FBN1: variants seen among roughly 807,000 people sequenced by gnomAD.
FBN1 encodes the protein fibrillin 1, also known as fibrillin-1.
FBN1 carries 29 observed loss-of-function variants against 365.1 expected under a neutral mutation model. The ratio of observed to expected loss-of-function variants is 0.08; its 90% CI spans 0.06 to 0.11. FBN1 has a LOEUF of 0.11. Ranked by LOEUF, FBN1 falls within the 10% of genes least tolerant of loss-of-function variation. The probability of loss-of-function intolerance (pLI) is 1.00; values close to 1 mark genes in which losing one functional copy is unlikely to be tolerated. For synonymous variants in FBN1, 1,210 were observed against 1,270.5 expected (o/e 0.95, Z 1.01); for missense variants, 2,476 against 3,703.2 (o/e 0.67, Z 8.60).
At chr15:48,610,246 C>T (rs2044646402) in intron 4 of FBN1, among the ~76,000 whole-genome samples, 1 of 152,176 alleles carries the variant, frequency 6.6e-6, no homozygotes, top group Non-Finnish European at 1.5e-5. Flanking sequence ...TATGTTTATG[C>T]TTCATTATAA....
At chr15:48,501,252 G>A (rs192006632) in intron 17 of FBN1, among the ~76,000 whole-genome samples, 5 of 152,292 alleles carry the variant, frequency 3.3e-5, no homozygotes. Context: ...AGGTCGTGAA[G>A]GCTCTACCCT....
intron 36 of FBN1, 91 bp from the exon 37 acceptor site, chr15:48,468,625 A>G (rs1289229954): frequency 1.4e-6 from 2 of 1,412,980 alleles, no homozygotes; most frequent in Non-Finnish European, 2.0e-6. Context: ...TAGAGCTCCA[A>G]ACAAGAATTT....
At chr15:48,499,115 T>C (rs2043634449) in intron 17 of FBN1, 77 bp from the exon 18 acceptor site, 3 of 1,424,760 alleles carry the variant, frequency 2.1e-6, no homozygotes, top group African/African-American at 2.8e-5. Flanking sequence ...TTTGCACACA[T>C]CATTTCCTCC....
At chr15:48,495,609 C>T in intron 20 of FBN1, 21 bp from the exon 21 acceptor site, 1 of 1,614,002 alleles carries the variant, frequency 6.2e-7, no homozygotes, top group Non-Finnish European at 8.5e-7. Flanking sequence ...AACAGGTCTA[C>T]ATTACTGCTA....
intron 58 of FBN1, among the ~76,000 whole-genome samples, chr15:48,426,978 A>T (rs77345803): frequency 1.1e-4 from 16 of 152,270 alleles, no homozygotes; most frequent in Non-Finnish European, 2.2e-4. Flanking sequence ...ACCTTTTCTC[A>T]GTCCTTTTAT....
At chr15:48,605,532 G>T (rs1249939640) in intron 4 of FBN1, among the ~76,000 whole-genome samples, 3 of 152,116 alleles carry the variant, frequency 2.0e-5, no homozygotes, top group Admixed American at 6.6e-5. Flanking sequence ...AGTATACAAA[G>T]AATTCTCAAA....
chr15:48,433,873 C>G (rs1216218221), intron 54 of FBN1, among the ~76,000 whole-genome samples: 2 of 152,198 alleles, frequency 1.3e-5, no homozygotes, highest in Non-Finnish European at 2.9e-5. Context: ...TCATTCTTTC[C>G]TTAGGCCAGT....
At chr15:48,596,638 A>C (rs898581611) in intron 5 of FBN1, among the ~76,000 whole-genome samples, 2 of 152,234 alleles carry the variant, frequency 1.3e-5, no homozygotes, top group African/African-American at 2.4e-5. Context: ...CTTTCAGTTT[A>C]ACCTCGAAAA....
rs774149926 is a variant in FBN1 at position 48,437,820 on chromosome 15, C to T, written c.6261G>A (p.Leu2087=). The T allele has an allele frequency of 2.5e-6, 4 of 1,613,886 alleles. No individual in the cohort carries two copies. The highest frequency in any genetic ancestry group is 1.7e-4 in the Middle Eastern group (1 of 6,056). ...AGGGGTCTCCCCAGCCTTCTCCCTTCAAGGCACAGCAGCATTCCTGCTTGG... is the reference window on the plus strand; with the variant it reads ...AGGGGTCTCCCCAGCCTTCTCCCTTTAAGGCACAGCAGCATTCCTGCTTGG... ...NHSKQECCCA[L]KGEGWGDPCE... is the part of the protein sequence containing the mutation. Residue 2087 remains leucine (L), a synonymous_variant, in exon 51 of 66, where the codon TTG becomes TTA. Coordinates refer to ENST00000316623, the MANE Select transcript of FBN1 (RefSeq NM_000138.5).
chr15:48,412,823 T>C, intron 64 of FBN1, 80 bp from the exon 65 acceptor site: 2 of 1,544,174 alleles, frequency 1.3e-6, no homozygotes, highest in Non-Finnish European at 1.8e-6. Context: ...TGGTGAAGCC[T>C]GTTCCTTGCA....
intron 43 of FBN1, 42 bp from the exon 44 acceptor site, chr15:48,456,804 T>C: frequency 6.3e-7 from 1 of 1,593,630 alleles, no homozygotes; most frequent in Non-Finnish European, 8.6e-7. Context: ...GGACAGCACA[T>C]GATCCCTGTG....
intron 43 of FBN1, among the ~76,000 whole-genome samples, chr15:48,458,777 T>G (rs1009575146): frequency 1.3e-5 from 2 of 152,222 alleles, no homozygotes; most frequent in African/African-American, 4.8e-5. Flanking sequence ...TGCTATAGTT[T>G]TAACCCTATA....
At chr15:48,629,082 G>T (rs1314998579) in intron 2 of FBN1, among the ~76,000 whole-genome samples, 1 of 152,228 alleles carries the variant, frequency 6.6e-6, no homozygotes, top group Non-Finnish European at 1.5e-5. Context: ...GGCCAGTGCT[G>T]TTCTACAAAC....
intron 8 of FBN1, among the ~76,000 whole-genome samples, chr15:48,531,816 G>T (rs559457448): frequency 6.6e-6 from 1 of 152,162 alleles, no homozygotes; most frequent in African/African-American, 2.4e-5. Flanking sequence ...CCAGGCCAGA[G>T]AATGTATAGC....
intron 46 of FBN1, 105 bp from the exon 47 acceptor site, chr15:48,446,927 T>C (rs1214485239): frequency 6.6e-6 from 5 of 752,752 alleles, no homozygotes; most frequent in Admixed American, 1.9e-5. Context: ...GCCTCATCCA[T>C]AGGCTGAGAA....
intron 55 of FBN1, among the ~76,000 whole-genome samples, chr15:48,431,974 A>G (rs1476709963): frequency 2.0e-5 from 3 of 152,136 alleles, no homozygotes; most frequent in Non-Finnish European, 4.4e-5. Flanking sequence ...TTATTTTTAT[A>G]TGATAATATT....
intron 6 of FBN1, among the ~76,000 whole-genome samples, chr15:48,541,093 T>C (rs988684693): frequency 1.3e-5 from 2 of 151,760 alleles, no homozygotes; most frequent in Admixed American, 1.3e-4. Flanking sequence ...GAATTTCTCA[T>C]TGGAAGATCT....
At chr15:48,507,145 G>A (rs1370145592) in intron 15 of FBN1, among the ~76,000 whole-genome samples, 1 of 152,180 alleles carries the variant, frequency 6.6e-6, no homozygotes, top group East Asian at 1.9e-4. Flanking sequence ...CAGGAGCCTA[G>A]AGGCATGAAG....
chr15:48,460,183 A>G (rs2043270192), intron 43 of FBN1, 63 bp downstream of exon 43: 2 of 1,252,080 alleles, frequency 1.6e-6, no homozygotes, highest in Admixed American at 3.4e-5. Flanking sequence ...ATGGGAACTG[A>G]AAAAATAATG....
Sources: allele counts gnomAD v4.1 joint callset (sites outside exome capture counted in the v4.1 genomes callset), GRCh38; gene constraint gnomAD v4.1.1; transcripts MANE v1.5; gene names NCBI Gene and HGNC (gene_info 2026-07-23, HGNC 2026-07-21).